The following MTOR variants were observed in gnomAD, a reference collection of about 807,000 sequenced individuals.
MTOR encodes serine/threonine-protein kinase mTOR.
A neutral mutation model predicts 319.8 loss-of-function variants in MTOR; 70 were observed. The observed-to-expected ratio is 0.22, with a 90% CI of 0.18 to 0.27. MTOR has a LOEUF of 0.27. Ranked by LOEUF, MTOR falls within the 10% of genes least tolerant of loss-of-function variation. MTOR has a pLI of 1.00. For missense variants in MTOR, 1,890 were observed against 3,274.4 expected, an observed-to-expected ratio of 0.58 and a Z score of 10.32; for synonymous variants, 1,183 against 1,211.4, an observed-to-expected ratio of 0.98 and a Z score of 0.49.
At chr1:11,172,046 AAG>A (rs1319764859) in intron 28 of MTOR, among the ~76,000 whole-genome samples, 10 of 151,464 alleles carry the variant, frequency 6.6e-5, no homozygotes, top group Admixed American at 4.6e-4. Flanking sequence ...AAAAAAAAAA[AAG>A]AGAGAGGGAG....
intron 36 of MTOR, among the ~76,000 whole-genome samples, chr1:11,137,459 A>G (rs749303943): frequency 3.6e-4 from 55 of 152,338 alleles, no homozygotes; most frequent in Non-Finnish European, 6.8e-4. Context: ...AAGAGAATCC[A>G]GTATCTTTCT....
chr1:11,153,019 A>G (rs771935832), intron 30 of MTOR, among the ~76,000 whole-genome samples: 5 of 152,212 alleles, frequency 3.3e-5, no homozygotes, highest in Non-Finnish European at 7.3e-5. Flanking sequence ...CAGGAGATCG[A>G]TATCACTCAG....
At chr1:11,138,350 TGAA>T (rs781316766) in intron 36 of MTOR, among the ~76,000 whole-genome samples, 1 of 152,174 alleles carries the variant, frequency 6.6e-6, no homozygotes, top group Non-Finnish European at 1.5e-5. Flanking sequence ...GCTGCATATT[TGAA>T]GAAGGAAACT....
rs775421531 is a variant in MTOR, at chr1:11,193,632, G to A, written c.4253+5626C>T. On this transcript the variant is annotated intron_variant, in intron 28 of 57. Transcript: ENST00000361445. The stretch of plus-strand genomic sequence containing the variant: ...GGAGGCTGGACCATCATCCAGAGAC[G>A]AAAAAGTGGCCTTGTCTCCTTCTAC... 10 of 1,612,922 alleles carry A rather than the reference G, an allele frequency of 6.2e-6. No homozygotes were observed. In the Admixed American group the frequency reaches 1.2e-4, roughly 19 times the overall value.
Position 11,157,374 on chromosome 1 carries a change from T to C in MTOR, c.4330-83A>G, listed in dbSNP as rs2100569711. 2.7e-6 allele frequency: 4 copies of C among 1,504,956 alleles called. No individual in the cohort carries two copies. In the South Asian group the frequency reaches 5.3e-5, roughly 20 times the overall value. 93.2% of individuals were successfully genotyped at this position (1,504,956 alleles called of 1,614,324 possible). On this transcript the variant is annotated intron_variant, in intron 29 of 57. Coordinates refer to ENST00000361445, the MANE Select transcript of MTOR (RefSeq NM_004958.4). ...TTAATCCACATACTCTCTTTCCTAA[T>C]GTGCTGCTGTACGCATGACACTTCA...
Position 11,126,624 on chromosome 1 carries a change from A to C in MTOR, c.6524T>G (p.Met2175Arg). 6.2e-7 allele frequency: 1 copy of C among 1,614,034 alleles called. No homozygotes were observed. Among genetic ancestry groups the C allele is most frequent in the Non-Finnish European group, 8.5e-7 (1 of 1,179,994 alleles). ...SKQRPRKLTL[M>R]GSNGHEFVFL... ...CAGAAGTGCACAATGGTCCTTACCC[A>C]TAAGTGTCAATTTCCGGGGCCTCTG... The change falls in exon 46 of 58, where the codon ATG becomes AGG. Residue 2175 changes from methionine to arginine, a missense_variant and splice_region_variant. Coordinates refer to ENST00000361445, the MANE Select transcript of MTOR (RefSeq NM_004958.4).
chr1:11,170,865 T>G (rs1037682953), intron 28 of MTOR, among the ~76,000 whole-genome samples: 1 of 150,444 alleles, frequency 6.6e-6, no homozygotes, highest in Admixed American at 6.6e-5. Flanking sequence ...CGGGCGGCCT[T>G]GGTAGGAGTA....
At chr1:11,255,382 CAAA>C (rs56328160) in intron 5 of MTOR, among the ~76,000 whole-genome samples, 3 of 98,212 alleles carry the variant, frequency 3.1e-5, no homozygotes, top group South Asian at 2.9e-4. Flanking sequence ...ACTCCATCTC[CAAA>C]AAAAAAAAAA....
At position 11,128,455 on chromosome 1, in the gene MTOR, T is replaced by C. The variant is rs2100417243; in HGVS notation, c.5909A>G (p.Gln1970Arg). 1 of 1,613,948 alleles carries C rather than the reference T, an allele frequency of 6.2e-7. No homozygotes were observed. The highest frequency in any genetic ancestry group is 8.5e-7 in the Non-Finnish European group (1 of 1,179,892). The change falls in exon 42 of 58, where the codon CAG (glutamine) becomes CGG (arginine). Residue 1970 changes from glutamine to arginine, a missense_variant and splice_region_variant. By Grantham distance (43) the Gln-to-Arg change is conservative. Transcript: ENST00000361445. This position sits in a 1 kb window ranked among gnomAD's most constrained non-coding sequence, Gnocchi z 5.3. ...AAACTGCCCAGAGTCTCCACATACC[T>C]GGGGGTGGTACCGACCAATGTCTGT... Reference protein sequence around the residue: ...LLTDIGRYHPQALIYPLTVAS... With the variant: ...LLTDIGRYHPRALIYPLTVAS...
intron 47 of MTOR, among the ~76,000 whole-genome samples, 199 bp downstream of exon 47, chr1:11,124,299 T>C (rs1228315429): frequency 6.6e-6 from 1 of 152,118 alleles, no homozygotes; most frequent in Admixed American, 6.5e-5. Flanking sequence ...CACAGCTCAC[T>C]GCAGCCTTGA....
chr1:11,255,900 TC>T, intron 5 of MTOR, 91 bp downstream of exon 5: 1 of 1,154,474 alleles, frequency 8.7e-7, no homozygotes, highest in South Asian at 1.6e-5. Context: ...TGATTCTTGC[TC>T]CATGGCAAGG....
chr1:11,168,818 A>C (rs547216790), intron 28 of MTOR, among the ~76,000 whole-genome samples: 1 of 152,300 alleles, frequency 6.6e-6, no homozygotes, highest in Non-Finnish European at 1.5e-5. Context: ...TTAGATCCTT[A>C]TTCCTGTAGG....
chr1:11,141,440 C>T (rs891962331), intron 34 of MTOR, among the ~76,000 whole-genome samples: 1 of 152,074 alleles, frequency 6.6e-6, no homozygotes, highest in Non-Finnish European at 1.5e-5. Context: ...TCGGTCTCGG[C>T]TCACTGCAAC....
intron 25 of MTOR, among the ~76,000 whole-genome samples, chr1:11,206,561 G>A (rs755978669): frequency 1.3e-5 from 2 of 152,184 alleles, no homozygotes; most frequent in Admixed American, 6.5e-5. Context: ...CTTGACACAC[G>A]GAAAGCACTC....
At chr1:11,155,670 C>A (rs572246807) in intron 30 of MTOR, among the ~76,000 whole-genome samples, 2 of 152,316 alleles carry the variant, frequency 1.3e-5, no homozygotes, top group African/African-American at 4.8e-5. Context: ...GATATCGTTT[C>A]CTCCCGGTAT....
intron 36 of MTOR, among the ~76,000 whole-genome samples, chr1:11,134,987 T>C (rs1391680792): frequency 1.3e-5 from 2 of 152,188 alleles, no homozygotes; most frequent in African/African-American, 2.4e-5. Flanking sequence ...TCACAGGGAA[T>C]AGGGAGAAGA....
At chr1:11,238,739 T>A in intron 11 of MTOR, 122 bp from the exon 12 acceptor site, 1 of 753,008 alleles carries the variant, frequency 1.3e-6, no homozygotes, top group East Asian at 2.7e-5. Flanking sequence ...TAGATATTGA[T>A]CAATACGATA....
intron 34 of MTOR, among the ~76,000 whole-genome samples, chr1:11,141,933 G>A (rs565308957): frequency 3.8e-4 from 58 of 151,538 alleles, no homozygotes; most frequent in African/African-American, 9.2e-4. Context: ...CTTGGGAGGC[G>A]GAGCTTGCAG....
chr1:11,173,368 G>A (rs1057265830), intron 28 of MTOR, among the ~76,000 whole-genome samples: 1 of 151,918 alleles, frequency 6.6e-6, no homozygotes, highest in Non-Finnish European at 1.5e-5. Flanking sequence ...TCAGGCCACT[G>A]CAACCTCCAC....
Sources: allele counts gnomAD v4.1 joint callset (sites outside exome capture counted in the v4.1 genomes callset), GRCh38; gene constraint gnomAD v4.1.1; non-coding constraint Gnocchi (gnomAD v3.1); transcripts MANE v1.5; gene names NCBI Gene and HGNC (gene_info 2026-07-23, HGNC 2026-07-21).